Variants in PTPRT observed in about 807,000 individuals in gnomAD.
PTPRT encodes protein tyrosine phosphatase receptor type T, also known as receptor-type tyrosine-protein phosphatase T.
In PTPRT, 56 loss-of-function variants were observed where a neutral mutation model predicts 176.8. That is an observed-to-expected ratio of 0.32 (90% CI 0.26 to 0.40). The LOEUF (loss-of-function observed/expected upper bound fraction) is 0.40, where lower values mean the gene tolerates loss of function less well. Among genes scored for constraint, PTPRT ranks in the 10% least tolerant of loss-of-function variants. PTPRT has a pLI of 1.00. For missense variants in PTPRT, 1,540 were observed against 1,908.2 expected, an observed-to-expected ratio of 0.81 and a Z score of 3.60; for synonymous variants, 783 against 739.0, an observed-to-expected ratio of 1.06 and a Z score of -0.96.
At chr20:42,261,625 G>A (rs561866937) in intron 13 of PTPRT, among the ~76,000 whole-genome samples, 1 of 152,124 alleles carries the variant, frequency 6.6e-6, no homozygotes, top group Middle Eastern at 3.2e-3. Context: ...GAAGAGGAAT[G>A]GGGGCTCCTG....
At chr20:43,180,130 T>TCA (rs2015214260) in intron 1 of PTPRT, among the ~76,000 whole-genome samples, 1 of 152,178 alleles carries the variant, frequency 6.6e-6, no homozygotes. Flanking sequence ...CTCTCTTGGC[T>TCA]TGAGCTGGGA....
intron 2 of PTPRT, among the ~76,000 whole-genome samples, chr20:42,837,110 C>A (rs1010275013): frequency 6.6e-6 from 1 of 152,146 alleles, no homozygotes; most frequent in Non-Finnish European, 1.5e-5. Flanking sequence ...GATGGGAGAA[C>A]AAGGCCCAAA....
At chr20:42,417,085 T>C (rs2059072920) in intron 9 of PTPRT, among the ~76,000 whole-genome samples, 2 of 152,212 alleles carry the variant, frequency 1.3e-5, no homozygotes, top group East Asian at 1.9e-4. Flanking sequence ...AAGGATGCCC[T>C]ATCATCTCCA....
chr20:42,707,701 T>C (rs1325991341), intron 6 of PTPRT, among the ~76,000 whole-genome samples: 1 of 152,162 alleles, frequency 6.6e-6, no homozygotes, highest in Non-Finnish European at 1.5e-5. Flanking sequence ...GCCTTTAGTC[T>C]CAGCTACTGG....
Position 42,086,669 on chromosome 20 carries a change from G to A in PTPRT, c.3847-816C>T, listed in dbSNP as rs906827513. The stretch of plus-strand genomic sequence containing the variant: ...GGGGTTTCGGGAGGCGGAGCTTGCA[G>A]TGAGCTGAGATCGCGCCACTGCACT... On this transcript the variant is annotated intron_variant, in intron 27 of 30. Coordinates refer to ENST00000373187, the MANE Select transcript of PTPRT (RefSeq NM_007050.6). 2.5e-4 allele frequency among the ~76,000 whole-genome samples: 36 copies of A among 143,098 alleles called. 1 individual carries two copies. Among genetic ancestry groups the A allele is most frequent in the African/African-American group, 9.6e-4 (36 of 37,532 alleles). The allele number at this position is 143,098 out of a possible 152,430, so 93.9% of individuals were successfully genotyped here. A position where few individuals can be genotyped will look rare whatever the true frequency, so the allele number is the denominator to read the frequency against.
intron 2 of PTPRT, among the ~76,000 whole-genome samples, chr20:42,800,369 G>A (rs1332693497): frequency 1.3e-5 from 2 of 152,168 alleles, no homozygotes; most frequent in Non-Finnish European, 2.9e-5. Flanking sequence ...GTTCATGCAG[G>A]AAGAGGGGTA....
At chr20:42,068,278 T>A (rs1177096617), downstream of PTPRT, among the ~76,000 whole-genome samples, 2 of 152,174 alleles carry the variant, frequency 1.3e-5, no homozygotes, top group Admixed American at 6.5e-5. Context: ...TTCCCATATA[T>A]GAAATCTGAA....
intron 1 of PTPRT, among the ~76,000 whole-genome samples, chr20:42,936,017 AGAGTACAGGT>A (rs1980164743): frequency 6.6e-6 from 1 of 152,220 alleles, no homozygotes; most frequent in South Asian, 2.1e-4. Flanking sequence ...CAAAGTACTG[AGAGTACAGGT>A]GACCAAACAC....
At chr20:42,727,840 C>T (rs1007892541) in intron 6 of PTPRT, among the ~76,000 whole-genome samples, 2 of 152,136 alleles carry the variant, frequency 1.3e-5, no homozygotes, top group Non-Finnish European at 2.9e-5. Flanking sequence ...TTAGCTTGGT[C>T]AAATCAGACC....
intron 1 of PTPRT, among the ~76,000 whole-genome samples, chr20:43,153,807 C>G (rs991570367): frequency 2.0e-5 from 3 of 152,164 alleles, no homozygotes; most frequent in Non-Finnish European, 4.4e-5. Context: ...TCCACAGAGG[C>G]TGGCAACAAG....
rs6030654 is a variant in PTPRT at position 43,107,039 on chromosome 20, C to T, written c.88+82607G>A. 7.9e-5 allele frequency among the ~76,000 whole-genome samples: 12 copies of T among 152,284 alleles called. 1 individual carries two copies. The highest frequency in any genetic ancestry group is 2.9e-4 in the African/African-American group (12 of 41,550). ...TCCCAATCTCAGGTGATCCGCCCGC[C>T]TCGGCCTCCCAAAGTGCTGGGATTA... On this transcript the variant is annotated intron_variant, in intron 1 of 30. Transcript: ENST00000373187.
At chr20:42,639,216 G>T (rs2074680408) in intron 7 of PTPRT, among the ~76,000 whole-genome samples, 2 of 151,794 alleles carry the variant, frequency 1.3e-5, no homozygotes, top group African/African-American at 4.9e-5. Context: ...CCTGACAGTG[G>T]CATTTACATT....
chr20:42,581,924 C>A (rs938385295), intron 7 of PTPRT, among the ~76,000 whole-genome samples: 2 of 152,266 alleles, frequency 1.3e-5, no homozygotes, highest in Middle Eastern at 3.4e-3. Context: ...AACTTAAATT[C>A]TGGTCTAAAG....
intron 1 of PTPRT, among the ~76,000 whole-genome samples, chr20:43,013,766 C>T (rs535673057): frequency 6.6e-5 from 10 of 152,178 alleles, no homozygotes; most frequent in Non-Finnish European, 2.9e-5. Flanking sequence ...ACTGTGCTAT[C>T]CCTGGGGATA....
At chr20:42,113,539 A>G (rs1227541503) in intron 22 of PTPRT, among the ~76,000 whole-genome samples, 1 of 151,552 alleles carries the variant, frequency 6.6e-6, no homozygotes, top group Non-Finnish European at 1.5e-5. Context: ...CGATCAGCAG[A>G]CTGACTGACG....
chr20:42,452,612 G>T (rs957248739), intron 8 of PTPRT, among the ~76,000 whole-genome samples: 1 of 152,008 alleles, frequency 6.6e-6, no homozygotes, highest in Non-Finnish European at 1.5e-5. Context: ...TCATTTGAGG[G>T]TCTATCTGAC....
intron 6 of PTPRT, among the ~76,000 whole-genome samples, chr20:42,695,907 C>T (rs570912577): frequency 6.6e-6 from 1 of 152,178 alleles, no homozygotes; most frequent in Non-Finnish European, 1.5e-5. Flanking sequence ...TTATTGGCAG[C>T]CTGCAGCCTC....
At chr20:42,892,009 A>G (rs1194874594) in intron 1 of PTPRT, among the ~76,000 whole-genome samples, 1 of 152,208 alleles carries the variant, frequency 6.6e-6, no homozygotes, top group Non-Finnish European at 1.5e-5. Context: ...TGTTCCAATA[A>G]AACTTTATTT....
intron 1 of PTPRT, among the ~76,000 whole-genome samples, chr20:43,059,907 AG>A (rs1395272293): frequency 6.6e-6 from 1 of 151,940 alleles, no homozygotes; most frequent in Non-Finnish European, 1.5e-5. Context: ...TGAACCCAGG[AG>A]GGGGAAGTTG....
Sources: allele counts gnomAD v4.1 joint callset (sites outside exome capture counted in the v4.1 genomes callset), GRCh38; gene constraint gnomAD v4.1.1; transcripts MANE v1.5; gene names NCBI Gene and HGNC (gene_info 2026-07-23, HGNC 2026-07-21).